The following INO80D variants were observed in gnomAD, a reference collection of about 807,000 sequenced individuals.
The protein encoded by INO80D is INO80 complex subunit D.
In INO80D, 21 loss-of-function variants were observed where a neutral mutation model predicts 87.6. The observed-to-expected ratio is 0.24, with a 90% CI of 0.17 to 0.35. The LOEUF (loss-of-function observed/expected upper bound fraction) is 0.35. INO80D is among the 10% of genes least tolerant of loss of function. The pLI is 1.00. For synonymous variants in INO80D, 440 were observed against 491.0 expected (o/e 0.90, Z 1.37); for missense variants, 982 against 1,280.7 (o/e 0.77, Z 3.56).
rs1687923142 is a variant in INO80D, at chr2:206,002,505, G to T, written c.*1863C>A. ...TAAATATATTACAAACATATTTTTG[G>T]CCCACAAAAAGAAACATCAATAAAT... On this transcript the variant is annotated 3_prime_UTR_variant, in exon 11 of 11. Coordinates refer to ENST00000403263, the MANE Select transcript of INO80D (RefSeq NM_017759.5). 1 of 151,816 alleles carries T rather than the reference G, an allele frequency of 6.6e-6. No individual in the cohort carries two copies. The highest frequency in any genetic ancestry group is 2.4e-5 in the African/African-American group (1 of 41,346). The allele number at this position is 151,816 out of a possible 1,614,324, so 9.4% of individuals were successfully genotyped here. A position where few individuals can be genotyped will look rare whatever the true frequency, so the allele number is the denominator to read the frequency against.
chr2:206,058,692 C>A (rs944122904), intron 3 of INO80D, among the ~76,000 whole-genome samples: 1 of 152,028 alleles, frequency 6.6e-6, no homozygotes, highest in East Asian at 1.9e-4. Context: ...TGAGACTGCA[C>A]CACTGCATTC....
Position 206,019,841 on chromosome 2 carries a change from T to C in INO80D, c.1303A>G (p.Ser435Gly). ...RRAACSRTSI[S>G]RTKLREVEPA... ...TCCACCTCCCTCAGCTTGGTCCGGCTTATGCTAAGGAAAGAAAAACAGAGA... is the reference window on the plus strand; with the variant it reads ...TCCACCTCCCTCAGCTTGGTCCGGCCTATGCTAAGGAAAGAAAAACAGAGA... The change falls in exon 7 of 11, where the codon AGC becomes GGC. Residue 435 changes from serine to glycine, a missense_variant. By Grantham distance (56) the Ser-to-Gly change is moderately conservative. Coordinates refer to ENST00000403263, the MANE Select transcript of INO80D (RefSeq NM_017759.5). The C allele has an allele frequency of 6.2e-7, 1 of 1,613,224 alleles. No individual in the cohort carries two copies. The highest frequency in any genetic ancestry group is 8.5e-7 in the Non-Finnish European group (1 of 1,179,542).
chr2:206,053,335 A>G (rs1689425037), intron 4 of INO80D, among the ~76,000 whole-genome samples: 1 of 152,188 alleles, frequency 6.6e-6, no homozygotes, highest in African/African-American at 2.4e-5. Context: ...ACCAACTTGA[A>G]AATACATTAG....
chr2:206,017,428 T>C (rs543618947), intron 8 of INO80D, among the ~76,000 whole-genome samples: 1 of 152,328 alleles, frequency 6.6e-6, no homozygotes, highest in South Asian at 2.1e-4. Context: ...TCATCAACTA[T>C]TCATGACATT....
chr2:206,064,267 G>C (rs2105892446), intron 1 of INO80D, among the ~76,000 whole-genome samples: 1 of 152,238 alleles, frequency 6.6e-6, no homozygotes, highest in South Asian at 2.1e-4. Context: ...ACACGCAAAA[G>C]GCCCAGTGGT....
intron 6 of INO80D, among the ~76,000 whole-genome samples, chr2:206,020,690 T>G (rs1688439142): frequency 6.6e-6 from 1 of 152,160 alleles, no homozygotes; most frequent in Admixed American, 6.6e-5. Context: ...TGCATTCACA[T>G]GGATCCATAA....
rs757154245 is a variant in INO80D at position 206,017,665 on chromosome 2, T to C, written c.1542+15A>G. Reference sequence around the variant, plus strand: ...TAGCTACAAAAAGTTTGAAAGCCTCTGTTGCAGAACTTACCATTTTTTTGG... The same window carrying C: ...TAGCTACAAAAAGTTTGAAAGCCTCCGTTGCAGAACTTACCATTTTTTTGG... On this transcript the variant is annotated intron_variant, in intron 8 of 10. Coordinates refer to ENST00000403263, the MANE Select transcript of INO80D (RefSeq NM_017759.5). The C allele has an allele frequency of 7.7e-5, 119 of 1,551,604 alleles. 1 individual carries two copies. The highest frequency in any genetic ancestry group is 3.0e-4 in the South Asian group (24 of 81,330).
At chr2:206,039,266 G>A (rs749628060) in intron 5 of INO80D, among the ~76,000 whole-genome samples, 11 of 151,832 alleles carry the variant, frequency 7.2e-5, no homozygotes, top group South Asian at 2.1e-4. Flanking sequence ...GCGTGGTGGC[G>A]CATGCCTGTA....
At chr2:206,013,030 A>C (rs1230375620) in intron 8 of INO80D, among the ~76,000 whole-genome samples, 1 of 151,862 alleles carries the variant, frequency 6.6e-6, no homozygotes, top group Non-Finnish European at 1.5e-5. Context: ...CCAGATTCTA[A>C]CTGTCTTCAG....
intron 6 of INO80D, among the ~76,000 whole-genome samples, chr2:206,026,556 TA>T (rs912838478): frequency 3.3e-5 from 5 of 149,598 alleles, no homozygotes; most frequent in Non-Finnish European, 5.9e-5. Context: ...AAAAAAAAAT[TA>T]AAAAAAAGAA....
intron 6 of INO80D, among the ~76,000 whole-genome samples, chr2:206,025,197 T>C (rs1009000210): frequency 6.6e-6 from 1 of 151,916 alleles, no homozygotes; most frequent in Non-Finnish European, 1.5e-5. Context: ...ATTCCTAAAT[T>C]TTTTCTCTAT....
intron 3 of INO80D, among the ~76,000 whole-genome samples, chr2:206,061,643 A>G (rs535549041): frequency 5.1e-4 from 78 of 152,364 alleles, no homozygotes; most frequent in Non-Finnish European, 9.3e-4. Context: ...TGAAGCCTCA[A>G]TGCTCATTAG....
At chr2:206,072,680 G>C (rs1181391334) in intron 1 of INO80D, among the ~76,000 whole-genome samples, 5 of 152,162 alleles carry the variant, frequency 3.3e-5, no homozygotes, top group Non-Finnish European at 7.4e-5. Flanking sequence ...GGAGAAGGAA[G>C]AATAGAGATC....
chr2:206,074,433 T>C (rs1427949379), intron 1 of INO80D, among the ~76,000 whole-genome samples: 1 of 151,502 alleles, frequency 6.6e-6, no homozygotes, highest in Non-Finnish European at 1.5e-5. Flanking sequence ...GGCCAACATG[T>C]TGAAACCCCG....
chr2:206,064,829 C>T (rs1689772409), intron 1 of INO80D, among the ~76,000 whole-genome samples: 1 of 150,160 alleles, frequency 6.7e-6, no homozygotes, highest in African/African-American at 2.4e-5. Context: ...AAAAAAAAAA[C>T]TCAAAATATT....
chr2:206,072,952 C>T (rs1690014447), intron 1 of INO80D, among the ~76,000 whole-genome samples: 1 of 151,400 alleles, frequency 6.6e-6, no homozygotes, highest in Non-Finnish European at 1.5e-5. Flanking sequence ...ATCCTTTTAC[C>T]TTAGCCTCCC....
rs368951909 is a variant in INO80D, at chr2:206,019,865, G to T, written c.1299-20C>A. On this transcript the variant is annotated intron_variant, in intron 6 of 10. Coordinates refer to ENST00000403263, the MANE Select transcript of INO80D (RefSeq NM_017759.5). The stretch of plus-strand genomic sequence containing the variant: ...CTTATGCTAAGGAAAGAAAAACAGA[G>T]AATTAATTTTTTTTTAATGCTTTAA... 8.8e-6 allele frequency: 14 copies of T among 1,584,174 alleles called. No homozygotes were observed. In the African/African-American group the frequency reaches 1.5e-4, roughly 17 times the overall value.
chr2:206,041,281 T>C (rs1689042407), intron 5 of INO80D, among the ~76,000 whole-genome samples: 1 of 152,090 alleles, frequency 6.6e-6, no homozygotes, highest in Admixed American at 6.5e-5. Flanking sequence ...TCAGAAGAGA[T>C]AGAAAAGCAA....
At chr2:206,076,722 C>T (rs956046648) in intron 1 of INO80D, among the ~76,000 whole-genome samples, 3 of 152,158 alleles carry the variant, frequency 2.0e-5, no homozygotes, top group African/African-American at 2.4e-5. Context: ...CTAGTTCCTT[C>T]CCTGCTATAT....
Sources: allele counts gnomAD v4.1 joint callset (sites outside exome capture counted in the v4.1 genomes callset), GRCh38; gene constraint gnomAD v4.1.1; transcripts MANE v1.5; gene names NCBI Gene and HGNC (gene_info 2026-07-23, HGNC 2026-07-21).